UTRN: variants seen among roughly 807,000 people sequenced by gnomAD.
The protein encoded by UTRN is utrophin.
In UTRN, 283 loss-of-function variants were observed where a neutral mutation model predicts 463.9. The ratio of observed to expected loss-of-function variants is 0.61; its 90% CI spans 0.55 to 0.67. The LOEUF (loss-of-function observed/expected upper bound fraction) is 0.67. UTRN is among the 30% of genes least tolerant of loss of function. UTRN has a pLI of 0.00. For synonymous variants in UTRN, 1,442 were observed against 1,431.5 expected, an observed-to-expected ratio of 1.01 and a Z score of -0.17; for missense variants, 3,922 against 4,084.3, an observed-to-expected ratio of 0.96 and a Z score of 1.08.
intron 53 of UTRN, among the ~76,000 whole-genome samples, chr6:144,724,311 C>G (rs1379769931): frequency 6.7e-6 from 1 of 149,152 alleles, no homozygotes; most frequent in African/African-American, 2.5e-5. Flanking sequence ...CCACTGCAAC[C>G]TCTGCCTCCC....
chr6:144,490,142 C>T lies in UTRN; in HGVS notation c.4206C>T (p.Pro1402=), dbSNP rs1267246021. 6.2e-7 allele frequency: 1 copy of T among 1,613,760 alleles called. No homozygotes were observed. Among genetic ancestry groups the T allele is most frequent in the African/African-American group, 1.3e-5 (1 of 74,988 alleles). ...EELRRNMRSQ[P]LTSPESRTAR... ...TGAGAAGAAATATGCGTTCTCAGCC[C>T]CTGACCTCCCCAGAGAGTAGGACTG... The change falls in exon 31 of 75, where the codon CCC becomes CCT. Residue 1402 remains proline, a synonymous_variant. Coordinates refer to ENST00000367545, the MANE Select transcript of UTRN (RefSeq NM_007124.3).
Position 144,428,823 on chromosome 6 carries a change from T to A in UTRN, c.624T>A (p.Ile208=). 2.5e-6 allele frequency: 4 copies of A among 1,612,240 alleles called. No homozygotes were observed. Among genetic ancestry groups the A allele is most frequent in the Non-Finnish European group, 3.4e-6 (4 of 1,179,494 alleles). Residue 208 remains isoleucine (I), a synonymous_variant, in exon 8 of 75, where the codon ATT becomes ATA. Transcript: ENST00000367545. ...SWDKVVKMSP[I]ERLEHAFSKA... is the part of the protein sequence containing the mutation. ...ATAAAGTTGTCAAAATGTCACCAAT[T>A]GAGAGACTTGAACATGCCTTCAGCA...
Position 144,426,427 on chromosome 6 carries a change from ACT to A in UTRN, c.548_549del (p.Leu183ArgfsTer3). 1 of 1,613,944 alleles carries A rather than the reference ACT, an allele frequency of 6.2e-7. No homozygotes were observed. On this transcript the variant is annotated frameshift_variant, in exon 7 of 75. Coordinates refer to ENST00000367545, the MANE Select transcript of UTRN (RefSeq NM_007124.3). LOFTEE classifies it high-confidence loss of function. ...ACTTCACCACCAGCTGGACAGATGGACTCGCCTTTAATGCTGTCCTCCACCGA... is the reference window on the plus strand; with the variant it reads ...ACTTCACCACCAGCTGGACAGATGGACGCCTTTAATGCTGTCCTCCACCGA... ...LNFTTSWTDG[L>X]AFNAVLHRHK...
chr6:144,600,374 GA>G (rs1419702139), intron 51 of UTRN, among the ~76,000 whole-genome samples: 1 of 152,204 alleles, frequency 6.6e-6, no homozygotes, highest in Non-Finnish European at 1.5e-5. Flanking sequence ...GAATGCAAAG[GA>G]AAAGTTCTTG....
chr6:144,485,603 G>A (rs943201135), intron 28 of UTRN, 84 bp downstream of exon 28: 28 of 1,548,714 alleles, frequency 1.8e-5, no homozygotes, highest in African/African-American at 4.1e-5. Context: ...AATGCTTTAC[G>A]CAGGCAAATG....
In UTRN at chr6:144,339,226, G is replaced by A. The variant is rs552667403; in HGVS notation, c.79+47319G>A. On this transcript the variant is annotated intron_variant, in intron 2 of 74. Transcript: ENST00000367545. ...TCTATGGAAGAAAAGAACATTTCTG[G>A]AAAGACTCAAAAGTTAATGATGACA... Among the ~76,000 whole-genome samples, 708 of 152,286 alleles carry A rather than the reference G, an allele frequency of 4.6e-3. 7 individuals carry two copies. The highest frequency in any genetic ancestry group is 0.014 in the Middle Eastern group (4 of 294).
chr6:144,549,456 T>G (rs1562559176), intron 47 of UTRN, among the ~76,000 whole-genome samples: 1 of 152,258 alleles, frequency 6.6e-6, no homozygotes, highest in Non-Finnish European at 1.5e-5. Flanking sequence ...GTCATTTTTC[T>G]AAGTATTGTA....
intron 9 of UTRN, among the ~76,000 whole-genome samples, chr6:144,433,671 C>T (rs143507217): frequency 5.4e-5 from 8 of 147,264 alleles, no homozygotes; most frequent in South Asian, 2.2e-4. Context: ...GACGGGGTCG[C>T]GGCCGGGCAG....
chr6:144,546,827 C>T (rs1798455364), intron 46 of UTRN, among the ~76,000 whole-genome samples: 1 of 151,958 alleles, frequency 6.6e-6, no homozygotes, highest in South Asian at 2.1e-4. Context: ...AACAAACAAA[C>T]AAACAAACAA....
intron 2 of UTRN, among the ~76,000 whole-genome samples, chr6:144,386,290 C>T (rs1033674781): frequency 6.6e-6 from 1 of 152,156 alleles, no homozygotes; most frequent in East Asian, 1.9e-4. Context: ...GGCGAAACCT[C>T]GTGTCTACAG....
chr6:144,331,816 T>C (rs1312922661), intron 2 of UTRN, among the ~76,000 whole-genome samples: 1 of 152,206 alleles, frequency 6.6e-6, no homozygotes, highest in Non-Finnish European at 1.5e-5. Context: ...CAAGGAATGT[T>C]TCCCAGAGAA....
chr6:144,840,854 A>G (rs761672021), intron 73 of UTRN, 22 bp downstream of exon 73: 2 of 1,606,938 alleles, frequency 1.2e-6, no homozygotes, highest in South Asian at 1.1e-5. Context: ...AGATTGCAGC[A>G]CCACAGCTGC....
intron 71 of UTRN, chr6:144,837,082 T>C (rs540066777): frequency 6.3e-6 from 1 of 158,698 alleles, no homozygotes; most frequent in East Asian, 1.8e-4. Context: ...GATGAATACA[T>C]GCATGTATGG....
intron 51 of UTRN, among the ~76,000 whole-genome samples, chr6:144,612,027 C>T (rs1165591006): frequency 3.9e-5 from 6 of 152,064 alleles, no homozygotes; most frequent in East Asian, 1.9e-4. Context: ...TGCAATTCCA[C>T]GTTGATCCAT....
chr6:144,821,228 C>T (rs546668457), intron 66 of UTRN, among the ~76,000 whole-genome samples: 3 of 152,186 alleles, frequency 2.0e-5, no homozygotes, highest in South Asian at 4.1e-4. Context: ...TGCACATGTC[C>T]TTAAATTTTA....
chr6:144,816,733 C>CTTTTTTTTTTTT (rs35967778), intron 65 of UTRN, among the ~76,000 whole-genome samples: 2 of 132,104 alleles, frequency 1.5e-5, no homozygotes, highest in Non-Finnish European at 3.2e-5. Flanking sequence ...AGCTTTTTTC[C>CTTTTTTTTTTTT]TTTTTTTTTT....
intron 51 of UTRN, among the ~76,000 whole-genome samples, chr6:144,636,350 A>G (rs188318516): frequency 1.7e-4 from 26 of 150,170 alleles, no homozygotes; most frequent in Non-Finnish European, 3.6e-4. Flanking sequence ...ATGAGAACAC[A>G]TGGACACAGG....
Position 144,593,462 on chromosome 6 carries a change from C to T in UTRN, c.7479+16174C>T, listed in dbSNP as rs77583058. ...TAGGCTGAAGTGAAGCCTTGGCTTGCGACCAATCAGAGGCTGAAGGTAAGC... is the reference window on the plus strand; with the variant it reads ...TAGGCTGAAGTGAAGCCTTGGCTTGTGACCAATCAGAGGCTGAAGGTAAGC... On this transcript the variant is annotated intron_variant, in intron 51 of 74. Transcript: ENST00000367545. Among the ~76,000 whole-genome samples the T allele has an allele frequency of 4.2e-3, 639 of 152,206 alleles. 14 individuals are homozygous for T. In the East Asian group the frequency reaches 0.058, roughly 14 times the overall value.
At chr6:144,687,800 A>G (rs1251851022) in intron 52 of UTRN, among the ~76,000 whole-genome samples, 3 of 152,134 alleles carry the variant, frequency 2.0e-5, no homozygotes, top group Non-Finnish European at 4.4e-5. Context: ...GCATGTTGAC[A>G]TTAGATAGCC....
Sources: allele counts gnomAD v4.1 joint callset (sites outside exome capture counted in the v4.1 genomes callset), GRCh38; gene constraint gnomAD v4.1.1; transcripts MANE v1.5; gene names NCBI Gene and HGNC (gene_info 2026-07-23, HGNC 2026-07-21).